The following RYK variants were observed in gnomAD, a reference collection of about 807,000 sequenced individuals.
RYK encodes the protein receptor like tyrosine kinase.
Under a neutral mutation model 70.2 loss-of-function variants are expected in RYK, and 21 were observed. The ratio of observed to expected loss-of-function variants is 0.30; its 90% confidence interval spans 0.21 to 0.43. The LOEUF is 0.43. Among genes scored for constraint, RYK ranks in the 20% least tolerant of loss-of-function variants. RYK has a pLI of 1.00. For missense variants in RYK, 604 were observed against 753.3 expected, an observed-to-expected ratio of 0.80 and a Z score of 2.32; for synonymous variants, 267 against 278.0, an observed-to-expected ratio of 0.96 and a Z score of 0.39.
intron 3 of RYK, among the ~76,000 whole-genome samples, chr3:134,210,597 A>G (rs940270682): frequency 3.3e-5 from 5 of 152,234 alleles, no homozygotes; most frequent in Non-Finnish European, 2.9e-5. Flanking sequence ...AAAGTTTCAC[A>G]ACACTATTGT....
chr3:134,198,802 G>A (rs1444660791), intron 6 of RYK, among the ~76,000 whole-genome samples: 1 of 152,138 alleles, frequency 6.6e-6, no homozygotes. Flanking sequence ...CAACCAAATA[G>A]TTACTGAGTA....
At chr3:134,180,719 G>C (rs1422387063) in intron 10 of RYK, 1 of 152,194 alleles carries the variant, frequency 6.6e-6, no homozygotes, top group Non-Finnish European at 1.5e-5. Flanking sequence ...GAAATGAACT[G>C]CTACAATGAA....
intron 7 of RYK, among the ~76,000 whole-genome samples, chr3:134,193,030 T>C (rs530679428): frequency 6.6e-6 from 1 of 152,324 alleles, no homozygotes; most frequent in South Asian, 2.1e-4. Context: ...AACAAATGTA[T>C]TTCTATTGAC....
chr3:134,208,861 T>C (rs985867901), intron 4 of RYK, among the ~76,000 whole-genome samples: 1 of 152,130 alleles, frequency 6.6e-6, no homozygotes, highest in Admixed American at 6.5e-5. Context: ...ACAGGTGTAA[T>C]ACCTATCAAG....
intron 1 of RYK, among the ~76,000 whole-genome samples, chr3:134,233,156 C>CATG (rs1162829890): frequency 6.6e-6 from 1 of 152,192 alleles, no homozygotes; most frequent in Non-Finnish European, 1.5e-5. Context: ...CAACATAAGC[C>CATG]ATGCTAAATG....
At chr3:134,226,173 C>A (rs965171281) in intron 1 of RYK, among the ~76,000 whole-genome samples, 2 of 151,822 alleles carry the variant, frequency 1.3e-5, no homozygotes, top group East Asian at 1.9e-4. Flanking sequence ...AGAAAAAACA[C>A]CAAACACAAA....
At chr3:134,247,529 C>T (rs1399057233) in intron 1 of RYK, among the ~76,000 whole-genome samples, 1 of 152,072 alleles carries the variant, frequency 6.6e-6, no homozygotes, top group Non-Finnish European at 1.5e-5. Flanking sequence ...ATGGAGAAAC[C>T]TCGTCTCTAC....
intron 7 of RYK, among the ~76,000 whole-genome samples, chr3:134,193,016 T>C (rs1344545492): frequency 6.6e-6 from 1 of 152,238 alleles, no homozygotes; most frequent in African/African-American, 2.4e-5. Flanking sequence ...TTTTTCTATC[T>C]GTAAACAAAT....
intron 1 of RYK, among the ~76,000 whole-genome samples, chr3:134,246,589 C>G (rs886470050): frequency 3.3e-5 from 5 of 151,896 alleles, no homozygotes; most frequent in Non-Finnish European, 5.9e-5. Context: ...GACTTTTCAT[C>G]AAAAACCCTT....
At chr3:134,202,533 A>G in intron 6 of RYK, 197 bp downstream of exon 6, 1 of 509,190 alleles carries the variant, frequency 2.0e-6, no homozygotes. Flanking sequence ...CTAATTTCTG[A>G]CTTCTTAATT....
chr3:134,240,377 C>A lies in RYK; in HGVS notation c.232+10046G>T, dbSNP rs185224327. Among the ~76,000 whole-genome samples the A allele has an allele frequency of 3.5e-3, 533 of 151,978 alleles. 5 individuals are homozygous for A. Among genetic ancestry groups the A allele is most frequent in the African/African-American group, 0.012 (516 of 41,418 alleles). ...TACAGAGATTCATTATATTATTATG[C>A]CTTATTTTGAATTTTTGAAATGTTC... On this transcript the variant is annotated intron_variant, in intron 1 of 14. Transcript: ENST00000623711.
intron 13 of RYK, among the ~76,000 whole-genome samples, chr3:134,174,288 GT>G (rs2013023926): frequency 6.6e-6 from 1 of 152,118 alleles, no homozygotes; most frequent in Non-Finnish European, 1.5e-5. Flanking sequence ...TATTTCTATT[GT>G]TTTAAGCCAC....
intron 9 of RYK, among the ~76,000 whole-genome samples, chr3:134,187,813 G>A (rs944034945): frequency 6.6e-6 from 1 of 150,528 alleles, no homozygotes; most frequent in East Asian, 2.0e-4. Flanking sequence ...TCCTGCCTTA[G>A]CCTCCCAAAG....
At chr3:134,181,887 C>T (rs552876899) in intron 10 of RYK, among the ~76,000 whole-genome samples, 14 of 152,214 alleles carry the variant, frequency 9.2e-5, no homozygotes, top group African/African-American at 2.6e-4. Flanking sequence ...TCTTCATGGC[C>T]GGGCACAGTG....
chr3:134,210,562 A>T (rs1018342866), intron 3 of RYK, among the ~76,000 whole-genome samples: 11 of 152,350 alleles, frequency 7.2e-5, no homozygotes, highest in Middle Eastern at 3.4e-3. Flanking sequence ...TATGTCACTG[A>T]TAACAGTGAA....
At chr3:134,172,397 C>A (rs531502762) in intron 13 of RYK, among the ~76,000 whole-genome samples, 4 of 152,208 alleles carry the variant, frequency 2.6e-5, no homozygotes, top group Non-Finnish European at 2.9e-5. Context: ...TTCCTCCTGT[C>A]CCCTTTCCCA....
chr3:134,177,925 G>T lies in RYK; in HGVS notation c.1305+16C>A. 1 of 1,597,938 alleles carries T rather than the reference G, an allele frequency of 6.3e-7. No homozygotes were observed. The highest frequency in any genetic ancestry group is 1.2e-5 in the South Asian group (1 of 86,854). On this transcript the variant is annotated intron_variant, in intron 11 of 14. Coordinates refer to ENST00000623711, the MANE Select transcript of RYK (RefSeq NM_002958.4). ...ACTACTGGTAAATAATTGGTATTTG[G>T]GCAAATTTTTCTCACCTGTGGATTA... is the stretch of plus-strand genomic sequence containing the variant.
At chr3:134,237,673 G>A (rs1392888602) in intron 1 of RYK, among the ~76,000 whole-genome samples, 1 of 152,094 alleles carries the variant, frequency 6.6e-6, no homozygotes, top group Non-Finnish European at 1.5e-5. Context: ...TTACTTAACC[G>A]CCCTCTCTAG....
intron 13 of RYK, among the ~76,000 whole-genome samples, chr3:134,174,106 G>A (rs1404740635): frequency 1.3e-5 from 2 of 152,164 alleles, no homozygotes; most frequent in Admixed American, 1.3e-4. Flanking sequence ...TGAAGAAGAA[G>A]GTGGTATGAA....
Sources: allele counts gnomAD v4.1 joint callset (sites outside exome capture counted in the v4.1 genomes callset), GRCh38; gene constraint gnomAD v4.1.1; transcripts MANE v1.5; gene names NCBI Gene and HGNC (gene_info 2026-07-23, HGNC 2026-07-21).